Variants in ASPH observed in about 807,000 individuals in gnomAD.
ASPH encodes aspartyl/asparaginyl beta-hydroxylase.
Under a neutral mutation model 118.4 loss-of-function variants are expected in ASPH, and 100 were observed. The ratio of observed to expected loss-of-function variants is 0.84; its 90% CI spans 0.72 to 1.00. ASPH has a LOEUF of 1.00. Among genes scored for constraint, ASPH ranks in the 50% least tolerant of loss-of-function variants. The pLI, the probability that ASPH is intolerant of heterozygous loss-of-function variation, is 0.00. For missense variants in ASPH, 920 were observed against 919.5 expected (o/e 1.00, Z -0.01); for synonymous variants, 315 against 325.6 (o/e 0.97, Z 0.35).
intron 12 of ASPH, among the ~76,000 whole-genome samples, chr8:61,635,878 C>T (rs998238980): frequency 6.6e-6 from 1 of 152,138 alleles, no homozygotes; most frequent in Admixed American, 6.5e-5. Flanking sequence ...TGCTTCCGTT[C>T]TTGCTCCATT....
intron 10 of ASPH, among the ~76,000 whole-genome samples, 188 bp from the exon 11 acceptor site, chr8:61,638,551 T>TAG (rs1462208000): frequency 6.6e-6 from 1 of 152,222 alleles, no homozygotes; most frequent in East Asian, 1.9e-4. Flanking sequence ...GCCTGGATTC[T>TAG]AATTCCAGGG....
At chr8:61,542,033 AT>A (rs1433351825) in intron 21 of ASPH, among the ~76,000 whole-genome samples, 1 of 152,194 alleles carries the variant, frequency 6.6e-6, no homozygotes, top group Non-Finnish European at 1.5e-5. Context: ...TCCTAATTTC[AT>A]TCCTTTGTGG....
intron 24 of ASPH, among the ~76,000 whole-genome samples, chr8:61,512,613 G>A (rs529832474): frequency 1.3e-5 from 2 of 152,236 alleles, no homozygotes; most frequent in Admixed American, 1.3e-4. Flanking sequence ...ATTTGTTGTG[G>A]CAGCCTTAGG....
chr8:61,714,155 G>T, intron 1 of ASPH, 114 bp downstream of exon 1: 3 of 1,269,238 alleles, frequency 2.4e-6, no homozygotes, highest in Admixed American at 4.2e-5. Context: ...CGTCGCGGGG[G>T]ATGGAGGCGG....
At chr8:61,594,616 A>G (rs1299961174) in intron 14 of ASPH, among the ~76,000 whole-genome samples, 1 of 152,216 alleles carries the variant, frequency 6.6e-6, no homozygotes, top group Non-Finnish European at 1.5e-5. Flanking sequence ...ATACAATACA[A>G]TAAGGTATTT....
chr8:61,562,758 T>C lies in ASPH; in HGVS notation c.1423A>G (p.Lys475Glu). 6.2e-7 allele frequency: 1 copy of C among 1,607,678 alleles called. No homozygotes were observed. The highest frequency in any genetic ancestry group is 8.5e-7 in the Non-Finnish European group (1 of 1,177,976). Residue 475 changes from lysine to glutamate, a missense_variant, in exon 18 of 25, where the codon AAA becomes GAA. Coordinates refer to ENST00000379454, the MANE Select transcript of ASPH (RefSeq NM_004318.4). ...TTGATGCTTACCTCTTCATAAACTT[T>C]CTTTGCATTGTCATTATCTCCTATC... Reference protein sequence around the residue: ...LLIGDNDNAKKVYEEVLSVTP... With the variant: ...LLIGDNDNAKEVYEEVLSVTP...
At chr8:61,652,942 T>C (rs1348184574) in intron 4 of ASPH, among the ~76,000 whole-genome samples, 2 of 152,208 alleles carry the variant, frequency 1.3e-5, no homozygotes, top group Non-Finnish European at 2.9e-5. Context: ...AAATATGTAG[T>C]GTCATTCCTT....
chr8:61,607,538 T>C (rs1239572116), intron 14 of ASPH, among the ~76,000 whole-genome samples: 1 of 152,064 alleles, frequency 6.6e-6, no homozygotes, highest in Admixed American at 6.6e-5. Flanking sequence ...TATCTAGTAG[T>C]AAATAATTTA....
At chr8:61,677,688 G>C (rs1826043571) in intron 3 of ASPH, among the ~76,000 whole-genome samples, 1 of 152,116 alleles carries the variant, frequency 6.6e-6, no homozygotes, top group South Asian at 2.1e-4. Context: ...TTTAGCAGCA[G>C]ACAAATGCTG....
chr8:61,547,297 T>C (rs1210903350), intron 21 of ASPH, among the ~76,000 whole-genome samples: 1 of 152,224 alleles, frequency 6.6e-6, no homozygotes, highest in Non-Finnish European at 1.5e-5. Flanking sequence ...TTTCTCCAAA[T>C]GCTACAACAT....
chr8:61,550,015 T>C (rs956363104), intron 20 of ASPH, among the ~76,000 whole-genome samples: 1 of 152,150 alleles, frequency 6.6e-6, no homozygotes, highest in African/African-American at 2.4e-5. Context: ...AAGTAAGTAA[T>C]CCTGCATCAA....
Position 61,705,542 on chromosome 8 carries a change from C to G in ASPH, c.103+8727G>C, listed in dbSNP as rs74854515. Among the ~76,000 whole-genome samples, 31 of 152,134 alleles carry G rather than the reference C, an allele frequency of 2.0e-4. No homozygotes were observed. In the East Asian group the frequency reaches 5.4e-3, roughly 27 times the overall value. ...GAGACTTTACAAAAAAAAGTACTTGCAAAAGAAGTTCTAGAATAGAAAACA... is the reference window on the plus strand; with the variant it reads ...GAGACTTTACAAAAAAAAGTACTTGGAAAAGAAGTTCTAGAATAGAAAACA... On this transcript the variant is annotated intron_variant, in intron 1 of 24. Coordinates refer to ENST00000379454, the MANE Select transcript of ASPH (RefSeq NM_004318.4).
intron 3 of ASPH, chr8:61,661,865 C>T: frequency 2.4e-6 from 1 of 423,664 alleles, no homozygotes; most frequent in Non-Finnish European, 4.2e-6. Context: ...TGATTTATGT[C>T]AATTTCATCA....
At chr8:61,707,978 G>T (rs573253434) in intron 1 of ASPH, among the ~76,000 whole-genome samples, 5 of 152,244 alleles carry the variant, frequency 3.3e-5, no homozygotes, top group African/African-American at 1.2e-4. Flanking sequence ...TACATAATGT[G>T]TATGTGCTAC....
At chr8:61,617,195 GT>G (rs1849335203) in intron 14 of ASPH, among the ~76,000 whole-genome samples, 1 of 152,146 alleles carries the variant, frequency 6.6e-6, no homozygotes, top group East Asian at 1.9e-4. Flanking sequence ...CATTAAGAGA[GT>G]GCGTGTATAT....
chr8:61,705,568 C>T (rs1410219525), intron 1 of ASPH, among the ~76,000 whole-genome samples: 1 of 152,188 alleles, frequency 6.6e-6, no homozygotes, highest in Non-Finnish European at 1.5e-5. Flanking sequence ...ATAGAAAACA[C>T]TAATCTATGA....
intron 3 of ASPH, chr8:61,663,866 A>C (rs890024926): frequency 3.1e-6 from 3 of 968,714 alleles, no homozygotes; most frequent in Non-Finnish European, 3.7e-6. Context: ...CGTTAACCTA[A>C]GAAAAAGGTG....
intron 22 of ASPH, among the ~76,000 whole-genome samples, chr8:61,521,151 C>T (rs550719270): frequency 3.3e-5 from 5 of 152,228 alleles, no homozygotes; most frequent in African/African-American, 1.2e-4. Context: ...CATAAGAAGG[C>T]TCAATTAGTG....
intron 1 of ASPH, among the ~76,000 whole-genome samples, chr8:61,700,610 C>T (rs1336846717): frequency 6.6e-6 from 1 of 152,192 alleles, no homozygotes; most frequent in Non-Finnish European, 1.5e-5. Context: ...TCGGGCTCAA[C>T]CACAGGAAAT....
Sources: allele counts gnomAD v4.1 joint callset (sites outside exome capture counted in the v4.1 genomes callset), GRCh38; gene constraint gnomAD v4.1.1; transcripts MANE v1.5; gene names NCBI Gene and HGNC (gene_info 2026-07-23, HGNC 2026-07-21).